ATP1A2: variants seen among roughly 807,000 people sequenced by gnomAD.
ATP1A2 encodes sodium/potassium-transporting ATPase subunit alpha-2.
ATP1A2 carries 56 observed loss-of-function variants against 113.1 expected under a neutral mutation model. The ratio of observed to expected loss-of-function variants is 0.49; its 90% CI spans 0.40 to 0.62. ATP1A2 has a LOEUF of 0.62. Ranked by LOEUF, ATP1A2 falls within the 20% of genes least tolerant of loss-of-function variation. ATP1A2 has a pLI of 0.00. For synonymous variants in ATP1A2, 490 were observed against 526.8 expected (o/e 0.93, Z 0.96); for missense variants, 712 against 1,357.8 (o/e 0.52, Z 7.47).
In ATP1A2 at chr1:160,124,294, A is replaced by T; in HGVS notation, c.496-2A>T. ...TCATGAGCTGCCTGTGGCTCCCCACAGCAAGCCCTTGTGATCCGGGAGGGA... is the reference window on the plus strand; with the variant it reads ...TCATGAGCTGCCTGTGGCTCCCCACTGCAAGCCCTTGTGATCCGGGAGGGA... On this transcript the variant is annotated splice_acceptor_variant, in intron 5 of 22. Coordinates refer to ENST00000361216, the MANE Select transcript of ATP1A2 (RefSeq NM_000702.4). LOFTEE classifies it high-confidence loss of function. The T allele has an allele frequency of 6.3e-7, 1 of 1,599,752 alleles. No individual in the cohort carries two copies. Among genetic ancestry groups the T allele is most frequent in the Non-Finnish European group, 8.5e-7 (1 of 1,173,192 alleles).
chr1:160,125,571 G>T (rs542914693), intron 7 of ATP1A2: 8 of 358,084 alleles, frequency 2.2e-5, no homozygotes, highest in African/African-American at 1.2e-4. Flanking sequence ...ATGCACATAC[G>T]CTCAGAACCA....
intron 4 of ATP1A2, among the ~76,000 whole-genome samples, chr1:160,123,707 C>T (rs1367271339): frequency 1.3e-5 from 2 of 152,242 alleles, no homozygotes; most frequent in Non-Finnish European, 2.9e-5. Context: ...TAGCAAAGTC[C>T]TAACCCTGGG....
chr1:160,130,413 C>G lies in ATP1A2; in HGVS notation c.1652-9C>G. ...GCGGATCTCACTGATCCCTTCTGCC[C>G]CCCTTTAGGATTCTGTCAACTGAAT... On this transcript the variant is annotated splice_polypyrimidine_tract_variant and intron_variant, in intron 12 of 22. Transcript: ENST00000361216. The G allele has an allele frequency of 2.5e-6, 4 of 1,614,198 alleles. No homozygotes were observed. The highest frequency in any genetic ancestry group is 3.4e-6 in the Non-Finnish European group (4 of 1,180,038).
intron 13 of ATP1A2, 136 bp from the exon 14 acceptor site, chr1:160,134,348 C>T (rs573472088): frequency 4.7e-6 from 6 of 1,271,252 alleles, no homozygotes; most frequent in Admixed American, 2.0e-5. Context: ...GACGCACACA[C>T]ACATGCCCTT....
intron 13 of ATP1A2, among the ~76,000 whole-genome samples, chr1:160,131,479 C>G (rs1651769685): frequency 6.6e-6 from 1 of 152,140 alleles, no homozygotes; most frequent in South Asian, 2.1e-4. Context: ...TATGTGGTTT[C>G]TGAACCCCAT....
chr1:160,119,516 C>A (rs1457277819), intron 1 of ATP1A2, among the ~76,000 whole-genome samples: 3 of 151,990 alleles, frequency 2.0e-5, no homozygotes, highest in Admixed American at 6.6e-5. Flanking sequence ...AAGAAGGTAC[C>A]TTTTTGGGAA....
rs1485106434 is a variant in ATP1A2, at chr1:160,143,468, CTT to C, written c.*2148_*2149del. The C allele has an allele frequency of 6.6e-6, 1 of 152,562 alleles. No homozygotes were observed. The highest frequency in any genetic ancestry group is 1.5e-5 in the Non-Finnish European group (1 of 68,020). The allele number at this position is 152,562 out of a possible 1,614,324, so 9.5% of individuals were successfully genotyped here. ...AGTGCATGGGCTAATTATCATCAAT[CTT>C]TATGTATTTGTTAAAGAAACATCTA... is the stretch of plus-strand genomic sequence containing the variant. On this transcript the variant is annotated 3_prime_UTR_variant, in exon 23 of 23. Transcript: ENST00000361216.
chr1:160,137,069 T>C (rs1364861367), intron 20 of ATP1A2, 38 bp downstream of exon 20: 5 of 1,613,434 alleles, frequency 3.1e-6, no homozygotes. Flanking sequence ...CCACCCAGGC[T>C]CTGGGCACAC....
rs368591420 is a variant in ATP1A2 at position 160,134,749 on chromosome 1, G to C, written c.1964+129G>C. 237 of 1,363,900 alleles carry C rather than the reference G, an allele frequency of 1.7e-4. 6 individuals carry two copies. The South Asian group carries it at 2.8e-3, about 16-fold the overall frequency. The allele number at this position is 1,363,900 out of a possible 1,614,324, so 84.5% of individuals were successfully genotyped here. A position where few individuals can be genotyped will look rare whatever the true frequency, so the allele number is the denominator to read the frequency against. ...TATAGGCCTTACCTCTGACACTATT[G>C]TGACTGGTTCCTCAGCCCTGAGCTT... On this transcript the variant is annotated intron_variant, in intron 14 of 22. Coordinates refer to ENST00000361216, the MANE Select transcript of ATP1A2 (RefSeq NM_000702.4).
Position 160,141,201 on chromosome 1 carries a change from C to G in ATP1A2, c.3035-93C>G, listed in dbSNP as rs1264078235. 2.0e-5 allele frequency: 30 copies of G among 1,501,250 alleles called. No homozygotes were observed. In the Admixed American group the frequency reaches 5.2e-4, roughly 26 times the overall value. 93.0% of individuals were successfully genotyped at this position (1,501,250 alleles called of 1,614,324 possible). A position where few individuals can be genotyped will look rare whatever the true frequency, so the allele number is the denominator to read the frequency against. On this transcript the variant is annotated intron_variant, in intron 22 of 22. Coordinates refer to ENST00000361216, the MANE Select transcript of ATP1A2 (RefSeq NM_000702.4). ...GTGCCCTTCACCAGGCTTCTCCTTC[C>G]ACCTGGCTTCAGCGACCCAAGCCCC...
intron 13 of ATP1A2, among the ~76,000 whole-genome samples, chr1:160,131,558 T>A (rs1193848488): frequency 6.6e-6 from 1 of 152,176 alleles, no homozygotes; most frequent in Non-Finnish European, 1.5e-5. Context: ...GCACAGTGGC[T>A]CATGCCTGTA....
intron 4 of ATP1A2, among the ~76,000 whole-genome samples, 153 bp downstream of exon 4, chr1:160,123,569 A>G (rs1337573970): frequency 6.6e-6 from 1 of 150,808 alleles, no homozygotes; most frequent in African/African-American, 2.5e-5. Flanking sequence ...AGGCTTCTAT[A>G]TATATCTGTA....
chr1:160,135,052 C>T lies in ATP1A2; in HGVS notation c.1965-93C>T. The T allele has an allele frequency of 1.3e-6, 2 of 1,543,546 alleles. No homozygotes were observed. The highest frequency in any genetic ancestry group is 1.1e-5 in the South Asian group (1 of 87,724). On this transcript the variant is annotated intron_variant, in intron 14 of 22. Coordinates refer to ENST00000361216, the MANE Select transcript of ATP1A2 (RefSeq NM_000702.4). This position sits in a 1 kb window ranked among gnomAD's most constrained non-coding sequence, Gnocchi z 6.3. ...CAGGGGAAGCAGGCTCAGCAGGGAG[C>T]CTGCAGGCTGCGGTGGTGAAGAGAG... is the stretch of plus-strand genomic sequence containing the variant.
chr1:160,129,534 CA>C, intron 11 of ATP1A2, 134 bp downstream of exon 11: 1 of 1,350,600 alleles, frequency 7.4e-7, no homozygotes, highest in South Asian at 1.2e-5. Context: ...CTAAGTCCCC[CA>C]GGACAGCTCA....
At chr1:160,125,537 C>A in intron 7 of ATP1A2, 1 of 458,074 alleles carries the variant, frequency 2.2e-6, no homozygotes, top group African/African-American at 2.0e-5. Context: ...GGGTTAAGAA[C>A]CCCTTACGCA....
Position 160,121,249 on chromosome 1 carries a change from A to G in ATP1A2, c.175A>G (p.Lys59Glu). The change falls in exon 3 of 23, where the codon AAG (lysine) becomes GAG (glutamate). Residue 59 changes from lysine to glutamate, a missense_variant and splice_region_variant. This residue lies in a region of ATP1A2 where 109 missense variants were observed against 162.3 expected (regional missense o/e 0.67). Coordinates refer to ENST00000361216, the MANE Select transcript of ATP1A2 (RefSeq NM_000702.4). ...CCGCAAATACCAAGTGGACCTGTCCAAGGTGAGTGGAGGGGCTTCTAGGGA... is the reference window on the plus strand; with the variant it reads ...CCGCAAATACCAAGTGGACCTGTCCGAGGTGAGTGGAGGGGCTTCTAGGGA... ...LGRKYQVDLS[K>E]GLTNQRAQDV... The G allele has an allele frequency of 6.2e-7, 1 of 1,614,236 alleles. No homozygotes were observed. Among genetic ancestry groups the G allele is most frequent in the East Asian group, 2.2e-5 (1 of 44,888 alleles).
At chr1:160,124,117 T>C (rs972004329) in intron 5 of ATP1A2, 61 bp downstream of exon 5, 2 of 1,595,722 alleles carry the variant, frequency 1.3e-6, no homozygotes, top group Non-Finnish European at 1.7e-6. Flanking sequence ...GTCCAGCTCA[T>C]CTTTTGTCAG....
Position 160,135,063 on chromosome 1 carries a change from C to T in ATP1A2, c.1965-82C>T, listed in dbSNP as rs543543775. ...GGCTCAGCAGGGAGCCTGCAGGCTG[C>T]GGTGGTGAAGAGAGGCAGGGGGCAG... On this transcript the variant is annotated intron_variant, in intron 14 of 22. Transcript: ENST00000361216. This position sits in a 1 kb window ranked among gnomAD's most constrained non-coding sequence, Gnocchi z 6.3. 1,915 of 1,581,372 alleles carry T rather than the reference C, an allele frequency of 1.2e-3. 2 individuals carry two copies. Among genetic ancestry groups the T allele is most frequent in the Non-Finnish European group, 1.6e-3 (1,813 of 1,155,562 alleles).
At chr1:160,128,272 C>A in intron 8 of ATP1A2, 2 of 453,340 alleles carry the variant, frequency 4.4e-6, no homozygotes, top group South Asian at 3.9e-5. Flanking sequence ...TCTCCTCTGT[C>A]CCTTCCTGCT....
Sources: allele counts gnomAD v4.1 joint callset (sites outside exome capture counted in the v4.1 genomes callset), GRCh38; gene constraint gnomAD v4.1.1; regional missense constraint gnomAD v4.1.1; non-coding constraint Gnocchi (gnomAD v3.1); transcripts MANE v1.5; gene names NCBI Gene and HGNC (gene_info 2026-07-23, HGNC 2026-07-21).